The following ADORA2A variants were observed in gnomAD, a reference collection of about 807,000 sequenced individuals.
ADORA2A encodes the protein adenosine A2a receptor.
In ADORA2A, 11 loss-of-function variants were observed where a neutral mutation model predicts 18.4. That is an observed-to-expected ratio of 0.60 (90% CI 0.38 to 0.99). The LOEUF is 0.99. Among genes scored for constraint, ADORA2A ranks in the 50% least tolerant of loss-of-function variants. The pLI is 0.01. For missense variants in ADORA2A, 449 were observed against 556.1 expected (o/e 0.81, Z 1.94); for synonymous variants, 218 against 237.3 (o/e 0.92, Z 0.75).
intron 2 of ADORA2A, among the ~76,000 whole-genome samples, chr22:24,435,406 G>A (rs1601412209): frequency 6.6e-6 from 1 of 152,242 alleles, no homozygotes; most frequent in Non-Finnish European, 1.5e-5. Flanking sequence ...TGGGGAAGCA[G>A]AGGCCAAGCT....
In ADORA2A at chr22:24,433,403, C is replaced by T. The variant is rs759588757; in HGVS notation, c.-2C>T. 59 of 1,608,000 alleles carry T rather than the reference C, an allele frequency of 3.7e-5. No individual in the cohort carries two copies. The East Asian group carries it at 1.3e-3, about 34-fold the overall frequency. On this transcript the variant is annotated 5_prime_UTR_variant, in exon 2 of 3. Coordinates refer to ENST00000337539, the MANE Select transcript of ADORA2A (RefSeq NM_000675.6). ...TGCTGAGCCTGCCTGTCGTCTGTGGCCATGCCCATCATGGGCTCCTCGGTG... is the reference window on the plus strand; with the variant it reads ...TGCTGAGCCTGCCTGTCGTCTGTGGTCATGCCCATCATGGGCTCCTCGGTG...
intron 1 of ADORA2A, chr22:24,430,456 A>T (rs1190809183): frequency 6.5e-6 from 1 of 153,818 alleles, no homozygotes; most frequent in Non-Finnish European, 1.4e-5. Context: ...TAGCATGGGG[A>T]CCCACAGCAC....
chr22:24,431,496 T>C (rs2043035192), intron 1 of ADORA2A: 1 of 456,668 alleles, frequency 2.2e-6, no homozygotes, highest in Admixed American at 2.3e-5. Flanking sequence ...CCTGGCCCTT[T>C]GAACAGGGCT....
chr22:24,427,972 C>T (rs1311394136), intron 1 of ADORA2A, among the ~76,000 whole-genome samples: 3 of 152,204 alleles, frequency 2.0e-5, no homozygotes, highest in Non-Finnish European at 4.4e-5. Flanking sequence ...CAGAGAGCTG[C>T]AGCTGCACCC....
upstream of ADORA2A, among the ~76,000 whole-genome samples, chr22:24,426,961 G>A (rs546341978): frequency 6.6e-6 from 1 of 152,328 alleles, no homozygotes; most frequent in Admixed American, 6.5e-5. Flanking sequence ...AGGAGTCACT[G>A]GGCAGGGGCT....
Position 24,440,509 on chromosome 22 carries a change from C to T in ADORA2A, c.333-74C>T, listed in dbSNP as rs2043312355. On this transcript the variant is annotated intron_variant, in intron 2 of 2. Coordinates refer to ENST00000337539, the MANE Select transcript of ADORA2A (RefSeq NM_000675.6). Reference sequence around the variant, plus strand: ...TCAGGAAATGTGGAAACGGGTGCTGCTCTGGGGTTCTGAACTCTTGGCCCT... The same window carrying T: ...TCAGGAAATGTGGAAACGGGTGCTGTTCTGGGGTTCTGAACTCTTGGCCCT... 5 of 1,429,278 alleles carry T rather than the reference C, an allele frequency of 3.5e-6. No individual in the cohort carries two copies. The South Asian group carries it at 6.9e-5, about 20-fold the overall frequency. 88.5% of individuals were successfully genotyped at this position (1,429,278 alleles called of 1,614,324 possible). A position where few individuals can be genotyped will look rare whatever the true frequency, so the allele number is the denominator to read the frequency against.
upstream of ADORA2A, among the ~76,000 whole-genome samples, chr22:24,426,367 G>A (rs1241761528): frequency 6.6e-6 from 1 of 152,218 alleles, no homozygotes; most frequent in Non-Finnish European, 1.5e-5. Flanking sequence ...GATGAAGGCG[G>A]GAAGCACAGG....
At chr22:24,432,172 TC>T (rs1361082555) in intron 1 of ADORA2A, 1 of 153,352 alleles carries the variant, frequency 6.5e-6, no homozygotes, top group Non-Finnish European at 1.5e-5. Context: ...AAGCTCACAG[TC>T]AGCTGCAGCG....
intron 2 of ADORA2A, among the ~76,000 whole-genome samples, chr22:24,435,675 C>T (rs1270376779): frequency 6.6e-6 from 1 of 152,080 alleles, no homozygotes; most frequent in Non-Finnish European, 1.5e-5. Context: ...TCTGAAGGTC[C>T]AGTGAGTGGA....
intron 2 of ADORA2A, chr22:24,438,873 A>C (rs1160093749): frequency 6.6e-6 from 1 of 152,020 alleles, no homozygotes. Flanking sequence ...TTTACCCAGA[A>C]AATCATCTCC....
chr22:24,431,929 G>A (rs1024758055), intron 1 of ADORA2A, among the ~76,000 whole-genome samples: 10 of 152,198 alleles, frequency 6.6e-5, no homozygotes, highest in African/African-American at 2.4e-4. Context: ...GTGAGAGCTG[G>A]CATGGCCCCT....
At chr22:24,425,983 G>A (rs904549402), upstream of ADORA2A, among the ~76,000 whole-genome samples, 6 of 152,238 alleles carry the variant, frequency 3.9e-5, no homozygotes, top group African/African-American at 1.2e-4. Flanking sequence ...CGGGGAACCC[G>A]GGAGGGAGGG....
chr22:24,424,859 T>G (rs978031902), upstream of ADORA2A, among the ~76,000 whole-genome samples: 8 of 151,460 alleles, frequency 5.3e-5, no homozygotes, highest in African/African-American at 1.9e-4. This position sits in a 1 kb window ranked among gnomAD's most constrained non-coding sequence, Gnocchi z 4.9. Context: ...CTGAGGTCCC[T>G]GTGTCCCGCA....
chr22:24,440,224 G>A (rs569279594), intron 2 of ADORA2A, among the ~76,000 whole-genome samples: 10 of 152,292 alleles, frequency 6.6e-5, no homozygotes, highest in East Asian at 3.9e-4. Flanking sequence ...GCTACGACAC[G>A]TTTCCCTTTA....
chr22:24,425,792 T>A (rs2042912833), upstream of ADORA2A, among the ~76,000 whole-genome samples: 1 of 152,264 alleles, frequency 6.6e-6, no homozygotes, highest in Non-Finnish European at 1.5e-5. Context: ...TCGTCTGGGT[T>A]CTGGTCTTGC....
At chr22:24,435,244 G>T (rs1462807123) in intron 2 of ADORA2A, among the ~76,000 whole-genome samples, 2 of 152,216 alleles carry the variant, frequency 1.3e-5, no homozygotes, top group African/African-American at 4.8e-5. Context: ...TCTGCGACGG[G>T]CAGAGCAGAG....
chr22:24,428,536 T>C (rs1162344541), intron 1 of ADORA2A, among the ~76,000 whole-genome samples: 1 of 152,248 alleles, frequency 6.6e-6, no homozygotes, highest in Non-Finnish European at 1.5e-5. Context: ...TCAGAAGTTC[T>C]CATTCTTGTC....
At chr22:24,430,977 G>A in intron 1 of ADORA2A, 2 of 373,222 alleles carry the variant, frequency 5.4e-6, no homozygotes, top group East Asian at 7.3e-5. Context: ...AGGCAGCCCG[G>A]GGCCAGCACC....
rs1175651014 is a variant in ADORA2A, at chr22:24,430,926, GGGA to G, written c.-274-2203_-274-2201del. 15 of 358,706 alleles carry G rather than the reference GGGA, an allele frequency of 4.2e-5. No individual in the cohort carries two copies. In the Admixed American group the frequency reaches 5.5e-4, roughly 13 times the overall value. 22.2% of individuals were successfully genotyped at this position (358,706 alleles called of 1,614,324 possible). ...TGCTGCTGCTGGTGGTGCTGGGCCTGGGAGTCCACCTTGGAGCCACAGGCCAGG... is the reference window on the plus strand; with the variant it reads ...TGCTGCTGCTGGTGGTGCTGGGCCTGGTCCACCTTGGAGCCACAGGCCAGG... On this transcript the variant is annotated intron_variant, in intron 1 of 2. Coordinates refer to ENST00000337539, the MANE Select transcript of ADORA2A (RefSeq NM_000675.6).
Sources: gnomAD v4.1 joint callset for allele counts (sites outside exome capture counted in the v4.1 genomes callset) on GRCh38, gnomAD v4.1.1 for gene constraint, Gnocchi (gnomAD v3.1) non-coding constraint, MANE v1.5 for transcripts, NCBI Gene and HGNC (gene_info 2026-07-23, HGNC 2026-07-21) for gene names.